The following INTS6 variants were observed in gnomAD, a reference collection of about 807,000 sequenced individuals.
The protein encoded by INTS6 is DEAD box protein.
INTS6 carries 16 observed loss-of-function variants against 104.9 expected under a neutral mutation model. That is an observed-to-expected ratio of 0.15 (90% CI 0.10 to 0.23). The LOEUF is 0.23. Among genes scored for constraint, INTS6 ranks in the 10% least tolerant of loss-of-function variants. INTS6 has a pLI of 1.00. For synonymous variants in INTS6, 324 were observed against 358.7 expected, an observed-to-expected ratio of 0.90 and a Z score of 1.09; for missense variants, 584 against 1,062.8, an observed-to-expected ratio of 0.55 and a Z score of 6.26.
At chr13:51,430,210 C>A in intron 4 of INTS6, 84 bp downstream of exon 4, 2 of 1,090,960 alleles carry the variant, frequency 1.8e-6, no homozygotes, top group Non-Finnish European at 2.8e-6. Context: ...ACGAGAGAAC[C>A]TATTAAAGGT....
Position 51,427,270 on chromosome 13 carries a change from A to G in INTS6, c.429+3024T>C, listed in dbSNP as rs1006444232. On this transcript the variant is annotated intron_variant, in intron 4 of 17. Transcript: ENST00000311234. ...TTAATGACACATTCATACACTGAAT[A>G]AATCTAAAAAAGAATCAAGTTCTGC... Among the ~76,000 whole-genome samples the G allele has an allele frequency of 2.0e-5, 3 of 152,330 alleles. No homozygotes were observed. The South Asian group carries it at 6.2e-4, about 32-fold the overall frequency.
chr13:51,396,872 A>G (rs1169540300), intron 4 of INTS6, among the ~76,000 whole-genome samples: 1 of 152,206 alleles, frequency 6.6e-6, no homozygotes, highest in Non-Finnish European at 1.5e-5. Flanking sequence ...AAGATTTTTG[A>G]GACAATCAGG....
At chr13:51,369,600 A>G (rs781729644) in intron 15 of INTS6, among the ~76,000 whole-genome samples, 1 of 152,230 alleles carries the variant, frequency 6.6e-6, no homozygotes, top group Non-Finnish European at 1.5e-5. Context: ...TTTTATTGAA[A>G]CAAGTAGGTT....
rs985224874 is a variant in INTS6, at chr13:51,364,547, G to C, written c.*1205C>G. On this transcript the variant is annotated 3_prime_UTR_variant, in exon 18 of 18. Coordinates refer to ENST00000311234, the MANE Select transcript of INTS6 (RefSeq NM_012141.3). ...GCACAGCAGTGATCATGAATGGTGAGTGAGTCAGGCCATAAGATTGCTTCC... is the reference window on the plus strand; with the variant it reads ...GCACAGCAGTGATCATGAATGGTGACTGAGTCAGGCCATAAGATTGCTTCC... 1.2e-5 allele frequency: 4 copies of C among 337,298 alleles called. No individual in the cohort carries two copies. Among genetic ancestry groups the C allele is most frequent in the Non-Finnish European group, 2.1e-5 (4 of 187,212 alleles). 20.9% of individuals were successfully genotyped at this position (337,298 alleles called of 1,614,324 possible). A position where few individuals can be genotyped will look rare whatever the true frequency, so the allele number is the denominator to read the frequency against.
intron 4 of INTS6, among the ~76,000 whole-genome samples, chr13:51,396,400 T>C (rs1019229305): frequency 1.7e-4 from 26 of 152,140 alleles, no homozygotes; most frequent in African/African-American, 6.0e-4. Context: ...GTTTCTTCCC[T>C]TACACCTGCT....
downstream of INTS6, among the ~76,000 whole-genome samples, chr13:51,350,905 A>G (rs186859958): frequency 2.0e-5 from 3 of 152,274 alleles, no homozygotes; most frequent in African/African-American, 7.2e-5. Context: ...ACAATTATAC[A>G]ATATGTGGCC....
the INTS6 span, among the ~76,000 whole-genome samples, chr13:51,338,144 T>A: frequency 6.6e-6 from 1 of 152,210 alleles, no homozygotes; most frequent in Non-Finnish European, 1.5e-5. Flanking sequence ...CAAACAACCT[T>A]TTTTTAATTT....
intron 17 of INTS6, among the ~76,000 whole-genome samples, chr13:51,366,757 A>G: frequency 6.6e-6 from 1 of 151,954 alleles, no homozygotes; most frequent in East Asian, 1.9e-4. Flanking sequence ...CAAAAGTACA[A>G]AAAGAAAAGA....
chr13:51,408,249 T>A (rs761901999), intron 4 of INTS6, among the ~76,000 whole-genome samples: 1 of 151,406 alleles, frequency 6.6e-6, no homozygotes, highest in South Asian at 2.1e-4. Context: ...GTTCAAGTGA[T>A]TCTCCTTCCT....
At chr13:51,344,969 G>C in the INTS6 span, among the ~76,000 whole-genome samples, 5 of 146,178 alleles carry the variant, frequency 3.4e-5, no homozygotes, top group Admixed American at 6.6e-5. Flanking sequence ...ATTGAAGAAA[G>C]AGACTTACAA....
chr13:51,450,313 G>A, intron 3 of INTS6: 22 of 985,300 alleles, frequency 2.2e-5, no homozygotes, highest in Non-Finnish European at 2.7e-5. Flanking sequence ...GTGAATTATT[G>A]TTGATTTAAA....
intron 4 of INTS6, among the ~76,000 whole-genome samples, chr13:51,416,771 T>C (rs1593735060): frequency 6.6e-6 from 1 of 152,338 alleles, no homozygotes; most frequent in East Asian, 1.9e-4. Context: ...ATAAGGTAAC[T>C]CTATGTTTAA....
In INTS6 at chr13:51,389,229, T is replaced by C. The variant is rs1310110603; in HGVS notation, c.739+90A>G. On this transcript the variant is annotated intron_variant, in intron 6 of 17. Transcript: ENST00000311234. ...TGTCTTAATAATTTGGCCTTGCCTA[T>C]CTTAAGGCCAAATCACAGTAAGTTT... is the stretch of plus-strand genomic sequence containing the variant. 5 of 1,423,682 alleles carry C rather than the reference T, an allele frequency of 3.5e-6. No individual in the cohort carries two copies. The East Asian group carries it at 7.3e-5, about 21-fold the overall frequency. The allele number at this position is 1,423,682 out of a possible 1,614,324, so 88.2% of individuals were successfully genotyped here. A position where few individuals can be genotyped will look rare whatever the true frequency, so the allele number is the denominator to read the frequency against.
intron 3 of INTS6, among the ~76,000 whole-genome samples, chr13:51,432,419 A>G (rs1373564164): frequency 6.6e-6 from 1 of 152,078 alleles, no homozygotes; most frequent in African/African-American, 2.4e-5. Context: ...AAAAATGGTT[A>G]AGACAGTAAA....
At chr13:51,345,810 C>T in the INTS6 span, among the ~76,000 whole-genome samples, 2 of 152,200 alleles carry the variant, frequency 1.3e-5, no homozygotes, top group African/African-American at 4.8e-5. Flanking sequence ...GCTGCCAGGG[C>T]GTAAGGCCAG....
chr13:51,410,831 T>C (rs1593725727), intron 4 of INTS6, among the ~76,000 whole-genome samples: 1 of 152,098 alleles, frequency 6.6e-6, no homozygotes, highest in Non-Finnish European at 1.5e-5. Context: ...AAAATTCTTA[T>C]AACTCATTAG....
At chr13:51,450,899 G>A (rs1201556612) in intron 3 of INTS6, 126 bp downstream of exon 3, 1 of 1,334,000 alleles carries the variant, frequency 7.5e-7, no homozygotes, top group Non-Finnish European at 9.6e-7. Context: ...TTTGAACAAT[G>A]TGCATATTCT....
At chr13:51,340,978 TA>T in the INTS6 span, 1 of 1,299,902 alleles carries the variant, frequency 7.7e-7, no homozygotes, top group Non-Finnish European at 1.1e-6. Flanking sequence ...CCCTAGCCCC[TA>T]AAAACAGAGC....
At position 51,378,359 on chromosome 13, in the gene INTS6, T is replaced by G. The variant is rs1176178593; in HGVS notation, c.1482A>C (p.Ser494=). The change falls in exon 12 of 18, where the codon TCA becomes TCC. Residue 494 remains serine (S), a synonymous_variant. Coordinates refer to ENST00000311234, the MANE Select transcript of INTS6 (RefSeq NM_012141.3). ...IKVRSRSHGL[S]MAYRKDFQQL... ...GTTGAAAATCTTTCCTATATGCCATTGATAAACCATGTGATCGGCTCCGGA... is the reference window on the plus strand; with the variant it reads ...GTTGAAAATCTTTCCTATATGCCATGGATAAACCATGTGATCGGCTCCGGA... 1.2e-6 allele frequency: 2 copies of G among 1,613,504 alleles called. No individual in the cohort carries two copies. The highest frequency in any genetic ancestry group is 1.1e-5 in the South Asian group (1 of 91,072).
Sources: gnomAD v4.1 joint callset for allele counts (sites outside exome capture counted in the v4.1 genomes callset) on GRCh38, gnomAD v4.1.1 for gene constraint, MANE v1.5 for transcripts, NCBI Gene and HGNC (gene_info 2026-07-23, HGNC 2026-07-21) for gene names.